The following ASB13 variants were observed in gnomAD, a reference collection of about 807,000 sequenced individuals.
The protein encoded by ASB13 is ankyrin repeat and SOCS box containing 13.
ASB13 carries 33 observed loss-of-function variants against 28.8 expected under a neutral mutation model. The observed-to-expected ratio is 1.15, with a 90% CI of 0.87 to 1.53. The LOEUF (loss-of-function observed/expected upper bound fraction) is 1.53, where lower values mean the gene tolerates loss of function less well. Ranked by LOEUF, ASB13 falls within the 40% of genes most tolerant of loss-of-function variation. The probability of loss-of-function intolerance (pLI) is 0.00; values close to 1 mark genes in which losing one functional copy is unlikely to be tolerated. For missense variants in ASB13, 414 were observed against 390.1 expected, an observed-to-expected ratio of 1.06 and a Z score of -0.52; for synonymous variants, 182 against 172.9, an observed-to-expected ratio of 1.05 and a Z score of -0.41.
chr10:5,642,905 A>C lies in ASB13; in HGVS notation c.518-944T>G, dbSNP rs759210602. ...GGCATGAGCCACCACACCTGGTCAC[A>C]TATGGCATTTTGCAACACACTAAAA... On this transcript the variant is annotated intron_variant, in intron 4 of 5. Coordinates refer to ENST00000357700, the MANE Select transcript of ASB13 (RefSeq NM_024701.4). This position sits in a 1 kb window ranked among gnomAD's most constrained non-coding sequence, Gnocchi z 4.1. Among the ~76,000 whole-genome samples the C allele has an allele frequency of 6.6e-6, 1 of 152,178 alleles. No individual in the cohort carries two copies. Among genetic ancestry groups the C allele is most frequent in the African/African-American group, 2.4e-5 (1 of 41,436 alleles).
intron 4 of ASB13, among the ~76,000 whole-genome samples, chr10:5,648,274 C>A (rs1397844128): frequency 6.6e-6 from 1 of 150,846 alleles, no homozygotes; most frequent in Admixed American, 6.6e-5. Flanking sequence ...CAGGTAAACA[C>A]CCACGTGGGC....
intron 4 of ASB13, 79 bp downstream of exon 4, chr10:5,648,891 C>G: frequency 6.4e-7 from 1 of 1,563,174 alleles, no homozygotes; most frequent in Non-Finnish European, 8.7e-7. Context: ...CCCACTTGGG[C>G]AAACACCCAC....
At position 5,656,403 on chromosome 10, in the gene ASB13, G is replaced by C. The variant is rs1835077060; in HGVS notation, c.44-3353C>G. On this transcript the variant is annotated intron_variant, in intron 1 of 5. Coordinates refer to ENST00000357700, the MANE Select transcript of ASB13 (RefSeq NM_024701.4). This position sits in a 1 kb window ranked among gnomAD's most constrained non-coding sequence, Gnocchi z 4.3. The stretch of plus-strand genomic sequence containing the variant: ...AAATACAAAGAATTAGCCGGCCGTG[G>C]TGGCACGTGCCTGTAATCCCAGCTA... Among the ~76,000 whole-genome samples the C allele has an allele frequency of 6.6e-6, 1 of 152,152 alleles. No homozygotes were observed. The highest frequency in any genetic ancestry group is 6.5e-5 in the Admixed American group (1 of 15,278).
At position 5,648,404 on chromosome 10, in the gene ASB13, C is replaced by G. The variant is rs76412688; in HGVS notation, c.517+566G>C. On this transcript the variant is annotated intron_variant, in intron 4 of 5. Transcript: ENST00000357700. ...CAAACACCCACTCAGGCAAACACCC[C>G]CTTGGGTAAACACCCACTCAGGCAA... Among the ~76,000 whole-genome samples the G allele has an allele frequency of 1.0e-3, 94 of 93,090 alleles. 9 individuals carry two copies. The highest frequency in any genetic ancestry group is 1.9e-3 in the Non-Finnish European group (83 of 42,824). The allele number at this position is 93,090 out of a possible 152,430, so 61.1% of individuals were successfully genotyped here.
At position 5,645,215 on chromosome 10, in the gene ASB13, G is replaced by A. The variant is rs538716633; in HGVS notation, c.518-3254C>T. 6.6e-6 allele frequency among the ~76,000 whole-genome samples: 1 copy of A among 151,062 alleles called. No homozygotes were observed. The highest frequency in any genetic ancestry group is 1.5e-5 in the Non-Finnish European group (1 of 67,852). ...AACATAAACACAAATAGCTCAATAG[G>A]TGCTTGTTACCACAAGAGAAATTGA... On this transcript the variant is annotated intron_variant, in intron 4 of 5. Transcript: ENST00000357700. This position sits in a 1 kb window ranked among gnomAD's most constrained non-coding sequence, Gnocchi z 5.4.
Position 5,640,651 on chromosome 10 carries a change from G to T in ASB13, c.*52C>A. 6.2e-7 allele frequency: 1 copy of T among 1,609,956 alleles called. No individual in the cohort carries two copies. The highest frequency in any genetic ancestry group is 1.1e-5 in the South Asian group (1 of 90,796). ...AGAGGAACAGGCAGAGCCCTCACCCGGGCAATGCTGGGCACAACGGGGGCA... is the reference window on the plus strand; with the variant it reads ...AGAGGAACAGGCAGAGCCCTCACCCTGGCAATGCTGGGCACAACGGGGGCA... On this transcript the variant is annotated 3_prime_UTR_variant, in exon 6 of 6. Coordinates refer to ENST00000357700, the MANE Select transcript of ASB13 (RefSeq NM_024701.4).
In ASB13 at chr10:5,656,012, C is replaced by G. The variant is rs1423371947; in HGVS notation, c.44-2962G>C. 6.6e-6 allele frequency among the ~76,000 whole-genome samples: 1 copy of G among 152,192 alleles called. No individual in the cohort carries two copies. The highest frequency in any genetic ancestry group is 1.5e-5 in the Non-Finnish European group (1 of 68,040). ...GAATAAATGCGCAGATAATTCACAA[C>G]ATGACAACTGCGATCATGTCTGGTG... On this transcript the variant is annotated intron_variant, in intron 1 of 5. Coordinates refer to ENST00000357700, the MANE Select transcript of ASB13 (RefSeq NM_024701.4). The surrounding 1 kb of genome is among the most constrained non-coding windows in gnomAD (Gnocchi z 4.3).
chr10:5,642,571 T>TA lies in ASB13; in HGVS notation c.518-611dup, dbSNP rs61006671. ...TCATCAAGCTGATTAAAAGTAAAGG[T>TA]AAAAAAAAATTTTTTTTTAAAAAAA... is the stretch of plus-strand genomic sequence containing the variant. On this transcript the variant is annotated intron_variant, in intron 4 of 5. Transcript: ENST00000357700. This position sits in a 1 kb window ranked among gnomAD's most constrained non-coding sequence, Gnocchi z 4.1. 625,329 of 1,154,324 alleles carry TA rather than the reference T, an allele frequency of 0.54. 167,812 individuals carry two copies. The highest frequency in any genetic ancestry group is 0.78 in the East Asian group (12,074 of 15,570). The allele number at this position is 1,154,324 out of a possible 1,614,324, so 71.5% of individuals were successfully genotyped here. A position where few individuals can be genotyped will look rare whatever the true frequency, so the allele number is the denominator to read the frequency against.
intron 1 of ASB13, among the ~76,000 whole-genome samples, chr10:5,657,918 C>T (rs761849909): frequency 5.3e-5 from 8 of 151,902 alleles, no homozygotes; most frequent in Non-Finnish European, 1.2e-4. Flanking sequence ...GAGGCCGAGG[C>T]GGGCAGATCA....
In ASB13 at chr10:5,651,520, G is replaced by A. The variant is rs1459351040; in HGVS notation, c.232-157C>T. On this transcript the variant is annotated intron_variant, in intron 2 of 5. Transcript: ENST00000357700. The surrounding 1 kb of genome is among the most constrained non-coding windows in gnomAD (Gnocchi z 5.1). ...GCAACGACACTGAAAGAGATAGCAC[G>A]TGGCTGCGGAGCACCGACGGCCTCC... is the stretch of plus-strand genomic sequence containing the variant. 4 of 793,312 alleles carry A rather than the reference G, an allele frequency of 5.0e-6. No homozygotes were observed. Among genetic ancestry groups the A allele is most frequent in the Admixed American group, 6.1e-5 (2 of 32,802 alleles). The allele number at this position is 793,312 out of a possible 1,614,324, so 49.1% of individuals were successfully genotyped here. A position where few individuals can be genotyped will look rare whatever the true frequency, so the allele number is the denominator to read the frequency against.
rs541287582 is a variant in ASB13, at chr10:5,641,363, A to C, written c.709+407T>G. Among the ~76,000 whole-genome samples, 76 of 152,146 alleles carry C rather than the reference A, an allele frequency of 5.0e-4. No homozygotes were observed. Among genetic ancestry groups the C allele is most frequent in the Non-Finnish European group, 3.7e-4 (25 of 68,012 alleles). ...GTGATCTGCCCGCCTCAGCCTCCCA[A>C]AGTGCTGTGATTACAGGTGTGAGCC... is the stretch of plus-strand genomic sequence containing the variant. On this transcript the variant is annotated intron_variant, in intron 5 of 5. Transcript: ENST00000357700. The surrounding 1 kb of genome is among the most constrained non-coding windows in gnomAD (Gnocchi z 8.4).
intron 4 of ASB13, among the ~76,000 whole-genome samples, chr10:5,646,252 G>A (rs1005740651): frequency 6.6e-6 from 1 of 152,190 alleles, no homozygotes; most frequent in African/African-American, 2.4e-5. Context: ...TGGTGGGGGC[G>A]GGAGCAGACC....
Position 5,659,190 on chromosome 10 carries a change from T to A in ASB13, c.44-6140A>T, listed in dbSNP as rs1261337448. On this transcript the variant is annotated intron_variant, in intron 1 of 5. Coordinates refer to ENST00000357700, the MANE Select transcript of ASB13 (RefSeq NM_024701.4). This position sits in a 1 kb window ranked among gnomAD's most constrained non-coding sequence, Gnocchi z 5.8. ...GTGGCAAGACGCCCCCCCTCCCCAA[T>A]CCCTGCACCCTCTCCCTTGGCGGAG... is the stretch of plus-strand genomic sequence containing the variant. 1.3e-5 allele frequency among the ~76,000 whole-genome samples: 2 copies of A among 151,836 alleles called. No homozygotes were observed. Among genetic ancestry groups the A allele is most frequent in the Non-Finnish European group, 2.9e-5 (2 of 67,932 alleles).
At position 5,659,408 on chromosome 10, in the gene ASB13, C is replaced by G. The variant is rs924208271; in HGVS notation, c.44-6358G>C. Among the ~76,000 whole-genome samples, 2 of 152,336 alleles carry G rather than the reference C, an allele frequency of 1.3e-5. No individual in the cohort carries two copies. Among genetic ancestry groups the G allele is most frequent in the Middle Eastern group, 3.4e-3 (1 of 294 alleles). On this transcript the variant is annotated intron_variant, in intron 1 of 5. Coordinates refer to ENST00000357700, the MANE Select transcript of ASB13 (RefSeq NM_024701.4). This position sits in a 1 kb window ranked among gnomAD's most constrained non-coding sequence, Gnocchi z 5.8. The stretch of plus-strand genomic sequence containing the variant: ...TCCAGGGTGGAACCCAGGCAAGGAA[C>G]AAGGTCCACGACCATGCAGTCACAG...
rs1192989339 is a variant in ASB13, at chr10:5,661,473, T to A, written c.43+5036A>T. 6.6e-6 allele frequency among the ~76,000 whole-genome samples: 1 copy of A among 152,156 alleles called. No homozygotes were observed. Among genetic ancestry groups the A allele is most frequent in the Non-Finnish European group, 1.5e-5 (1 of 68,032 alleles). On this transcript the variant is annotated intron_variant, in intron 1 of 5. Transcript: ENST00000357700. This position sits in a 1 kb window ranked among gnomAD's most constrained non-coding sequence, Gnocchi z 4.9. ...CAGGTCAAATACCCAAGATGCACCT[T>A]TTTTCCTATTTTGTTTTCTTATTGT...
rs1420443338 is a variant in ASB13, at chr10:5,650,025, G to A, written c.383-921C>T. Among the ~76,000 whole-genome samples, 2 of 152,240 alleles carry A rather than the reference G, an allele frequency of 1.3e-5. No individual in the cohort carries two copies. Among genetic ancestry groups the A allele is most frequent in the Middle Eastern group, 3.4e-3 (1 of 294 alleles). On this transcript the variant is annotated intron_variant, in intron 3 of 5. Coordinates refer to ENST00000357700, the MANE Select transcript of ASB13 (RefSeq NM_024701.4). The surrounding 1 kb of genome is among the most constrained non-coding windows in gnomAD (Gnocchi z 6.0). The stretch of plus-strand genomic sequence containing the variant: ...CACCCAGCCCCAGCCCCAGAGCCAT[G>A]TGCTGGCCACCGGCCGGTGTCTCCC...
At position 5,656,706 on chromosome 10, in the gene ASB13, G is replaced by A. The variant is rs1247642367; in HGVS notation, c.44-3656C>T. 6.6e-6 allele frequency among the ~76,000 whole-genome samples: 1 copy of A among 152,204 alleles called. No homozygotes were observed. The highest frequency in any genetic ancestry group is 1.5e-5 in the Non-Finnish European group (1 of 68,052). On this transcript the variant is annotated intron_variant, in intron 1 of 5. Coordinates refer to ENST00000357700, the MANE Select transcript of ASB13 (RefSeq NM_024701.4). This position sits in a 1 kb window ranked among gnomAD's most constrained non-coding sequence, Gnocchi z 4.3. Reference sequence around the variant, plus strand: ...TTGAAATTAACTCTGGGATTAAAAGGAAAGCATGTAAACAACTAGCTATGT... The same window carrying A: ...TTGAAATTAACTCTGGGATTAAAAGAAAAGCATGTAAACAACTAGCTATGT...
chr10:5,657,677 C>G (rs1313884845), intron 1 of ASB13, among the ~76,000 whole-genome samples: 1 of 152,180 alleles, frequency 6.6e-6, no homozygotes, highest in Non-Finnish European at 1.5e-5. Context: ...GGCATATCTC[C>G]AGAAGAATTG....
Position 5,649,130 on chromosome 10 carries a change from A to T in ASB13, c.383-26T>A. 1 of 1,613,226 alleles carries T rather than the reference A, an allele frequency of 6.2e-7. No individual in the cohort carries two copies. Among genetic ancestry groups the T allele is most frequent in the Non-Finnish European group, 8.5e-7 (1 of 1,179,794 alleles). ...CTTAAGATAAATGGAAAAGGGGGGG[A>T]ATGTCCTTGAATACGGACACTGGAG... On this transcript the variant is annotated intron_variant, in intron 3 of 5. Transcript: ENST00000357700. The surrounding 1 kb of genome is among the most constrained non-coding windows in gnomAD (Gnocchi z 6.4).
Sources: allele counts gnomAD v4.1 joint callset (sites outside exome capture counted in the v4.1 genomes callset), GRCh38; gene constraint gnomAD v4.1.1; non-coding constraint Gnocchi (gnomAD v3.1); transcripts MANE v1.5; gene names NCBI Gene and HGNC (gene_info 2026-07-23, HGNC 2026-07-21).